The following FSD2 variants were observed in gnomAD, a reference collection of about 807,000 sequenced individuals.
The protein encoded by FSD2 is fibronectin type III and SPRY domain containing 2.
Under a neutral mutation model 80.4 loss-of-function variants are expected in FSD2, and 71 were observed. The observed-to-expected ratio is 0.88, with a 90% CI of 0.73 to 1.08. The LOEUF (loss-of-function observed/expected upper bound fraction) is 1.08, where lower values mean the gene tolerates loss of function less well. FSD2 is among the 50% of genes least tolerant of loss of function. The probability of loss-of-function intolerance (pLI) is 0.00; values close to 1 mark genes in which losing one functional copy is unlikely to be tolerated. For synonymous variants in FSD2, 361 were observed against 329.5 expected, an observed-to-expected ratio of 1.10 and a Z score of -1.03; for missense variants, 923 against 913.8, an observed-to-expected ratio of 1.01 and a Z score of -0.13.
At position 82,768,891 on chromosome 15, in the gene FSD2, C is replaced by A. The variant is rs192590802; in HGVS notation, c.1542G>T (p.Ser514=). ...CCCTCATGACTCACTCAGTTACACC[C>A]GAGGCTTCTGGACTTTCAGCCTGGG... ...ELTQAESPEA[S]GVTESVVGIP... is the part of the protein sequence containing the mutation. The change falls in exon 9 of 13, where the codon TCG becomes TCT. Residue 514 remains serine, a synonymous_variant. Transcript: ENST00000334574. 6.4e-7 allele frequency: 1 copy of A among 1,556,688 alleles called. No homozygotes were observed. The highest frequency in any genetic ancestry group is 8.7e-7 in the Non-Finnish European group (1 of 1,153,680).
At chr15:82,767,341 A>T (rs1450403535) in intron 9 of FSD2, among the ~76,000 whole-genome samples, 1 of 152,224 alleles carries the variant, frequency 6.6e-6, no homozygotes, top group South Asian at 2.1e-4. Context: ...AGTCTCCTAC[A>T]TAGGAGAAGC....
At chr15:82,790,637 G>A (rs2050122632) in intron 1 of FSD2, among the ~76,000 whole-genome samples, 4 of 151,698 alleles carry the variant, frequency 2.6e-5, no homozygotes, top group Admixed American at 1.3e-4. Flanking sequence ...GTCCAGTGGC[G>A]CGATCTCGGC....
Position 82,782,993 on chromosome 15 carries a change from C to T in FSD2, c.768G>A (p.Glu256=). 6.2e-7 allele frequency: 1 copy of T among 1,612,282 alleles called. No individual in the cohort carries two copies. Residue 256 remains glutamate (E), a synonymous_variant, in exon 4 of 13, where the codon GAG becomes GAA. Transcript: ENST00000334574. ...TTTCCAAGATCTCGTTGTAATGTGA[C>T]TCAAAGTTTTGTTCTTGTTTTCCAA... is the stretch of plus-strand genomic sequence containing the variant. ...ENFGKQEQNF[E]SHYNEILETL...
intron 7 of FSD2, 133 bp from the exon 8 acceptor site, chr15:82,770,017 G>T: frequency 2.1e-6 from 2 of 940,900 alleles, no homozygotes; most frequent in Non-Finnish European, 3.2e-6. Context: ...CACTCCCTCT[G>T]CAGCATGACT....
chr15:82,805,522 C>T (rs184440426), intron 1 of FSD2, among the ~76,000 whole-genome samples: 7 of 152,280 alleles, frequency 4.6e-5, no homozygotes, highest in South Asian at 2.1e-4. Context: ...AAAATAATTA[C>T]GATGCTGTTT....
At chr15:82,766,197 C>T (rs1387643691) in intron 9 of FSD2, among the ~76,000 whole-genome samples, 166 bp from the exon 10 acceptor site, 1 of 152,230 alleles carries the variant, frequency 6.6e-6, no homozygotes, top group Admixed American at 6.5e-5. Flanking sequence ...CCTCTGCATT[C>T]CCTCCCACAG....
intron 1 of FSD2, among the ~76,000 whole-genome samples, chr15:82,793,456 A>T (rs985976999): frequency 6.6e-6 from 1 of 152,302 alleles, no homozygotes; most frequent in South Asian, 2.1e-4. Flanking sequence ...AGCACAAAAC[A>T]GTTTCTCACA....
rs2049199350 is a variant in FSD2, at chr15:82,757,458, A to C, written c.*1890T>G. On this transcript the variant is annotated 3_prime_UTR_variant, in exon 13 of 13. Transcript: ENST00000334574. ...GCCATTCTCCTGCCTCAGCCTCCCG[A>C]GTAGCTGGGACTACAGGCGCCCGCC... 6.7e-6 allele frequency: 1 copy of C among 149,016 alleles called. No individual in the cohort carries two copies. Among genetic ancestry groups the C allele is most frequent in the Admixed American group, 6.8e-5 (1 of 14,738 alleles). 9.2% of individuals were successfully genotyped at this position (149,016 alleles called of 1,614,324 possible). A position where few individuals can be genotyped will look rare whatever the true frequency, so the allele number is the denominator to read the frequency against.
rs974212599 is a variant in FSD2, at chr15:82,790,622, G to C, written c.-78-3154C>G. Reference sequence around the variant, plus strand: ...ACAGAGTCTCACTCTGTCGCCTAGGGTGGAGTCCAGTGGCGCGATCTCGGC... The same window carrying C: ...ACAGAGTCTCACTCTGTCGCCTAGGCTGGAGTCCAGTGGCGCGATCTCGGC... On this transcript the variant is annotated intron_variant, in intron 1 of 12. Coordinates refer to ENST00000334574, the MANE Select transcript of FSD2 (RefSeq NM_001007122.4). Among the ~76,000 whole-genome samples the C allele has an allele frequency of 5.3e-5, 8 of 151,750 alleles. No homozygotes were observed. In the East Asian group the frequency reaches 7.8e-4, roughly 15 times the overall value.
intron 8 of FSD2, 50 bp downstream of exon 8, chr15:82,769,700 T>TG: frequency 6.4e-7 from 1 of 1,570,600 alleles, no homozygotes; most frequent in African/African-American, 1.4e-5. Context: ...CCATGACTCC[T>TG]GTGTCCGCTT....
At chr15:82,803,950 C>G (rs1447307164) in intron 1 of FSD2, among the ~76,000 whole-genome samples, 1 of 152,188 alleles carries the variant, frequency 6.6e-6, no homozygotes, top group Non-Finnish European at 1.5e-5. Context: ...GTGTCTACCT[C>G]ATAAGGTTGG....
intron 1 of FSD2, among the ~76,000 whole-genome samples, chr15:82,795,700 C>T (rs1172633697): frequency 6.6e-6 from 1 of 152,034 alleles, no homozygotes; most frequent in African/African-American, 2.4e-5. Context: ...GGCGTGGTGG[C>T]ACACGCCTGT....
Position 82,780,253 on chromosome 15 carries a change from C to A in FSD2, c.981G>T (p.Met327Ile). ...KVDFIKDAVA[M>I]ADRLGKFLKT... ...TAGAACAAATGTATTACCTGTCAGC[C>A]ATAGCCACTGCATCCTAAAAAGGAA... The change falls in exon 5 of 13, where the codon ATG becomes ATT. Residue 327 changes from methionine to isoleucine, a missense_variant. Coordinates refer to ENST00000334574, the MANE Select transcript of FSD2 (RefSeq NM_001007122.4). The A allele has an allele frequency of 6.6e-7, 1 of 1,506,774 alleles. No homozygotes were observed. Among genetic ancestry groups the A allele is most frequent in the Non-Finnish European group, 8.9e-7 (1 of 1,126,312 alleles). The allele number at this position is 1,506,774 out of a possible 1,614,324, so 93.3% of individuals were successfully genotyped here.
At chr15:82,788,824 G>A (rs1195274274) in intron 1 of FSD2, among the ~76,000 whole-genome samples, 1 of 151,936 alleles carries the variant, frequency 6.6e-6, no homozygotes, top group Non-Finnish European at 1.5e-5. Context: ...GACCAGCCTA[G>A]GCAACACAGT....
At chr15:82,798,743 C>G (rs2050336985) in intron 1 of FSD2, among the ~76,000 whole-genome samples, 1 of 152,164 alleles carries the variant, frequency 6.6e-6, no homozygotes, top group Non-Finnish European at 1.5e-5. Flanking sequence ...TCGTCGGCTT[C>G]CCCTATCAGC....
At chr15:82,797,040 A>C (rs954551122) in intron 1 of FSD2, among the ~76,000 whole-genome samples, 21 of 148,430 alleles carry the variant, frequency 1.4e-4, no homozygotes, top group African/African-American at 4.5e-4. Context: ...AAAAAAAAAA[A>C]ACACCTCCAG....
chr15:82,777,784 T>C (rs1220312950), intron 6 of FSD2, among the ~76,000 whole-genome samples: 1 of 147,968 alleles, frequency 6.8e-6, no homozygotes, highest in Non-Finnish European at 1.5e-5. Flanking sequence ...GAGGTGGAGG[T>C]TTCAGTGAGC....
At chr15:82,800,089 C>T (rs1421749480) in intron 1 of FSD2, among the ~76,000 whole-genome samples, 2 of 152,196 alleles carry the variant, frequency 1.3e-5, no homozygotes, top group Admixed American at 1.3e-4. Context: ...CCAAGTTACC[C>T]ATGGCCTCGG....
At chr15:82,803,393 C>T (rs1479821143) in intron 1 of FSD2, among the ~76,000 whole-genome samples, 1 of 152,136 alleles carries the variant, frequency 6.6e-6, no homozygotes, top group African/African-American at 2.4e-5. Context: ...CAAGTCCCAA[C>T]TCTCCTGGGC....
Sources: gnomAD v4.1 joint callset for allele counts (sites outside exome capture counted in the v4.1 genomes callset) on GRCh38, gnomAD v4.1.1 for gene constraint, MANE v1.5 for transcripts, NCBI Gene and HGNC (gene_info 2026-07-23, HGNC 2026-07-21) for gene names.